Variants in PLA2G4A observed in about 807,000 individuals in gnomAD.
PLA2G4A encodes the protein cytosolic phospholipase A2.
Under a neutral mutation model 81.9 loss-of-function variants are expected in PLA2G4A, and 40 were observed. The observed-to-expected ratio is 0.49, with a 90% CI of 0.38 to 0.64. The LOEUF (loss-of-function observed/expected upper bound fraction) is 0.64, where lower values mean the gene tolerates loss of function less well. Ranked by LOEUF, PLA2G4A falls within the 30% of genes least tolerant of loss-of-function variation. PLA2G4A has a pLI of 0.00. For missense variants in PLA2G4A, 715 were observed against 905.1 expected, an observed-to-expected ratio of 0.79 and a Z score of 2.69; for synonymous variants, 302 against 296.9, an observed-to-expected ratio of 1.02 and a Z score of -0.18.
chr1:186,832,726 C>G (rs1026721178), intron 1 of PLA2G4A, among the ~76,000 whole-genome samples: 6 of 152,092 alleles, frequency 3.9e-5, no homozygotes, highest in African/African-American at 1.4e-4. Context: ...AAATTTTTCT[C>G]TTTCAATTTC....
chr1:186,870,290 CA>C (rs1354329829), intron 2 of PLA2G4A, 144 bp from the exon 3 acceptor site: 2 of 684,296 alleles, frequency 2.9e-6, no homozygotes, highest in African/African-American at 1.8e-5. Flanking sequence ...AGAAGAGAGT[CA>C]AAAAAGAAGC....
intron 14 of PLA2G4A, among the ~76,000 whole-genome samples, chr1:186,958,362 T>A (rs1057113024): frequency 1.3e-5 from 2 of 152,206 alleles, no homozygotes; most frequent in African/African-American, 4.8e-5. Context: ...GACATTATTT[T>A]TCTTGTTTAG....
intron 5 of PLA2G4A, among the ~76,000 whole-genome samples, chr1:186,899,358 A>G (rs918083049): frequency 1.3e-5 from 2 of 152,164 alleles, no homozygotes; most frequent in Non-Finnish European, 1.5e-5. Context: ...AGGTGAAGAC[A>G]GGGCTGGGGG....
intron 13 of PLA2G4A, among the ~76,000 whole-genome samples, chr1:186,954,437 C>T (rs1172407499): frequency 1.3e-5 from 2 of 151,892 alleles, no homozygotes; most frequent in Non-Finnish European, 2.9e-5. Flanking sequence ...CAGGGCCTGT[C>T]AGGGTGTGGG....
intron 10 of PLA2G4A, among the ~76,000 whole-genome samples, chr1:186,941,878 C>T (rs1185884686): frequency 6.6e-6 from 1 of 152,126 alleles, no homozygotes; most frequent in African/African-American, 2.4e-5. Flanking sequence ...CTACGTTAGA[C>T]CCAGTTTTCT....
intron 5 of PLA2G4A, among the ~76,000 whole-genome samples, chr1:186,905,645 T>C (rs1425907087): frequency 6.6e-6 from 1 of 152,170 alleles, no homozygotes; most frequent in East Asian, 1.9e-4. Context: ...TTGTCCCCAA[T>C]AGTAATCAGC....
chr1:186,871,952 G>C (rs779454266), intron 3 of PLA2G4A, among the ~76,000 whole-genome samples: 39 of 152,072 alleles, frequency 2.6e-4, no homozygotes, highest in Non-Finnish European at 4.9e-4. Context: ...ACTAAGAAAA[G>C]AAAGAATGTG....
intron 15 of PLA2G4A, among the ~76,000 whole-genome samples, chr1:186,971,201 CA>C (rs1657344205): frequency 6.6e-6 from 1 of 151,718 alleles, no homozygotes; most frequent in African/African-American, 2.4e-5. Context: ...TTACAGGGCA[CA>C]AGGATATTTT....
intron 17 of PLA2G4A, among the ~76,000 whole-genome samples, chr1:186,982,721 A>G (rs1657763972): frequency 6.6e-6 from 1 of 151,866 alleles, no homozygotes; most frequent in Admixed American, 6.6e-5. Context: ...AACAGATAAA[A>G]TTTTCAGTTT....
chr1:186,912,758 A>G, intron 7 of PLA2G4A, among the ~76,000 whole-genome samples: 1 of 136,806 alleles, frequency 7.3e-6, no homozygotes. Flanking sequence ...ATGTATATAT[A>G]TACATAAGTA....
chr1:186,946,273 T>C (rs1656342847), intron 10 of PLA2G4A, among the ~76,000 whole-genome samples: 1 of 152,126 alleles, frequency 6.6e-6, no homozygotes, highest in South Asian at 2.1e-4. Flanking sequence ...CTTAGAAGAG[T>C]TTAATTTATT....
chr1:186,948,035 G>A (rs1656403969), intron 12 of PLA2G4A, among the ~76,000 whole-genome samples: 1 of 152,088 alleles, frequency 6.6e-6, no homozygotes, highest in South Asian at 2.1e-4. Flanking sequence ...GGAACATTAA[G>A]TTGGCTTATA....
chr1:186,935,406 TTA>T (rs199932170), intron 8 of PLA2G4A, among the ~76,000 whole-genome samples: 653 of 45,366 alleles, frequency 0.014, 5 homozygotes, highest in African/African-American at 0.052. Flanking sequence ...GGAAGGGTTT[TTA>T]TTTTTTTTTT....
intron 13 of PLA2G4A, among the ~76,000 whole-genome samples, chr1:186,953,553 A>G (rs1472143690): frequency 1.3e-5 from 2 of 152,136 alleles, no homozygotes; most frequent in Non-Finnish European, 2.9e-5. Context: ...ATGTTTAGTC[A>G]TATGATTTTG....
At chr1:186,922,547 A>C (rs1314362924) in intron 7 of PLA2G4A, among the ~76,000 whole-genome samples, 1 of 152,180 alleles carries the variant, frequency 6.6e-6, no homozygotes, top group Non-Finnish European at 1.5e-5. Flanking sequence ...GAGTGCTCTC[A>C]GGATCTGCTT....
At chr1:186,875,291 A>G (rs1002872599) in intron 3 of PLA2G4A, among the ~76,000 whole-genome samples, 2 of 152,132 alleles carry the variant, frequency 1.3e-5, no homozygotes, top group Non-Finnish European at 2.9e-5. Context: ...AAATGAAATA[A>G]TCATGAATAC....
intron 1 of PLA2G4A, among the ~76,000 whole-genome samples, chr1:186,840,768 GT>G (rs946989848): frequency 6.6e-6 from 1 of 152,090 alleles, no homozygotes; most frequent in Non-Finnish European, 1.5e-5. Flanking sequence ...TCCCTGAACT[GT>G]TTACCTTAGA....
intron 7 of PLA2G4A, among the ~76,000 whole-genome samples, chr1:186,914,197 C>T (rs1389331880): frequency 1.3e-5 from 2 of 152,062 alleles, no homozygotes; most frequent in Non-Finnish European, 2.9e-5. Flanking sequence ...TTAAGTGATC[C>T]TCTTGCCTCA....
chr1:186,870,524 C>A lies in PLA2G4A; in HGVS notation c.115+8C>A. The A allele has an allele frequency of 6.4e-7, 1 of 1,565,812 alleles. No individual in the cohort carries two copies. The highest frequency in any genetic ancestry group is 8.8e-7 in the Non-Finnish European group (1 of 1,137,114). On this transcript the variant is annotated splice_region_variant and intron_variant, in intron 3 of 17. Coordinates refer to ENST00000367466, the MANE Select transcript of PLA2G4A (RefSeq NM_024420.3). The stretch of plus-strand genomic sequence containing the variant: ...GGGCCTTTGGTGACATGCGTAAGTG[C>A]CCTTTTTTTCTTTGCTGTTAAACAT...
Sources: allele counts gnomAD v4.1 joint callset (sites outside exome capture counted in the v4.1 genomes callset), GRCh38; gene constraint gnomAD v4.1.1; transcripts MANE v1.5; gene names NCBI Gene and HGNC (gene_info 2026-07-23, HGNC 2026-07-21).